LRRC40: variants seen among roughly 807,000 people sequenced by gnomAD.
LRRC40 encodes the protein leucine-rich repeat-containing protein 40.
Under a neutral mutation model 72.8 loss-of-function variants are expected in LRRC40, and 76 were observed. That is an observed-to-expected ratio of 1.04 (90% CI 0.87 to 1.26). LRRC40 has a LOEUF of 1.26. Ranked by LOEUF, LRRC40 falls within the 50% of genes most tolerant of loss-of-function variation. The probability of loss-of-function intolerance (pLI) is 0.00; values close to 1 mark genes in which losing one functional copy is unlikely to be tolerated. For missense variants in LRRC40, 684 were observed against 698.9 expected (o/e 0.98, Z 0.24); for synonymous variants, 243 against 254.2 (o/e 0.96, Z 0.42).
At chr1:70,165,770 T>C (rs975533794) in intron 9 of LRRC40, among the ~76,000 whole-genome samples, 9 of 152,158 alleles carry the variant, frequency 5.9e-5, no homozygotes, top group African/African-American at 1.9e-4. Flanking sequence ...CTCTAACTAC[T>C]GTTTAAATAC....
intron 9 of LRRC40, among the ~76,000 whole-genome samples, chr1:70,160,051 T>C (rs1285424624): frequency 6.6e-6 from 1 of 152,196 alleles, no homozygotes. Flanking sequence ...CTCCAGAGAC[T>C]GTTTAACACT....
chr1:70,193,206 C>T (rs1668538768), intron 1 of LRRC40, among the ~76,000 whole-genome samples: 1 of 151,690 alleles, frequency 6.6e-6, no homozygotes, highest in African/African-American at 2.4e-5. Flanking sequence ...ATAAAAAATA[C>T]TTATTTAAAA....
intron 9 of LRRC40, among the ~76,000 whole-genome samples, chr1:70,162,820 C>G (rs1437293467): frequency 6.6e-6 from 1 of 152,102 alleles, no homozygotes; most frequent in Non-Finnish European, 1.5e-5. Flanking sequence ...TGCCCAAAGA[C>G]TATTCCTTAG....
At chr1:70,189,299 A>C in intron 1 of LRRC40, 26 bp from the exon 2 acceptor site, 23 of 177,470 alleles carry the variant, frequency 1.3e-4, no homozygotes, top group Middle Eastern at 3.4e-3. Context: ...CCACACCAGG[A>C]AAAAAAAAAA....
At chr1:70,194,790 G>T (rs1668573400) in intron 1 of LRRC40, among the ~76,000 whole-genome samples, 1 of 152,220 alleles carries the variant, frequency 6.6e-6, no homozygotes, top group Admixed American at 6.5e-5. Context: ...AACAAAACAG[G>T]AGGCTTTATA....
chr1:70,153,579 C>T (rs1490272955), intron 11 of LRRC40, among the ~76,000 whole-genome samples: 4 of 152,066 alleles, frequency 2.6e-5, no homozygotes. Context: ...CCTAGAGAAA[C>T]AATATGTTTC....
In LRRC40 at chr1:70,187,262, T is replaced by C. The variant is rs1250570538; in HGVS notation, c.407+3A>G. The C allele has an allele frequency of 6.8e-7, 1 of 1,480,154 alleles. No individual in the cohort carries two copies. The highest frequency in any genetic ancestry group is 9.4e-7 in the Non-Finnish European group (1 of 1,062,022). 91.7% of individuals were successfully genotyped at this position (1,480,154 alleles called of 1,614,324 possible). A position where few individuals can be genotyped will look rare whatever the true frequency, so the allele number is the denominator to read the frequency against. ...AATATAAGTAAATAAGCTTAATTTT[T>C]ACCTGACATTAAGTTTCTGAAGATT... On this transcript the variant is annotated splice_donor_region_variant and intron_variant, in intron 3 of 14. Transcript: ENST00000370952.
At chr1:70,194,225 C>G (rs181976275) in intron 1 of LRRC40, among the ~76,000 whole-genome samples, 2 of 151,952 alleles carry the variant, frequency 1.3e-5, no homozygotes, top group African/African-American at 4.8e-5. Context: ...AAATTATATG[C>G]AATCAATGAG....
chr1:70,195,666 C>A (rs1668592650), intron 1 of LRRC40, among the ~76,000 whole-genome samples: 1 of 152,158 alleles, frequency 6.6e-6, no homozygotes, highest in Non-Finnish European at 1.5e-5. Flanking sequence ...CAGGGTCTCA[C>A]TTTCTCACCC....
chr1:70,153,771 C>T (rs577992761), intron 11 of LRRC40, among the ~76,000 whole-genome samples: 2 of 152,018 alleles, frequency 1.3e-5, no homozygotes, highest in East Asian at 3.9e-4. Flanking sequence ...CAGTTGAGCT[C>T]AAGAGTTTGA....
chr1:70,161,119 G>C (rs1667749643), intron 9 of LRRC40, among the ~76,000 whole-genome samples: 1 of 150,152 alleles, frequency 6.7e-6, no homozygotes, highest in South Asian at 2.1e-4. Context: ...AGGGAGTCTC[G>C]CTCTGTTGCC....
chr1:70,163,493 A>G (rs1667810935), intron 9 of LRRC40, among the ~76,000 whole-genome samples: 1 of 152,108 alleles, frequency 6.6e-6, no homozygotes, highest in Admixed American at 6.5e-5. Context: ...TAAGCCAGCA[A>G]CAGTGGTTCT....
chr1:70,172,208 A>C (rs1218788421), intron 9 of LRRC40, among the ~76,000 whole-genome samples: 1 of 152,196 alleles, frequency 6.6e-6, no homozygotes, highest in East Asian at 1.9e-4. Context: ...CTTACCAGAC[A>C]CCAAATCTGC....
chr1:70,197,434 G>A (rs1244898692), intron 1 of LRRC40, among the ~76,000 whole-genome samples: 1 of 151,912 alleles, frequency 6.6e-6, no homozygotes, highest in African/African-American at 2.4e-5. Flanking sequence ...CTACAGGCAT[G>A]TGCCACCACA....
At chr1:70,192,400 G>A (rs1300883590) in intron 1 of LRRC40, among the ~76,000 whole-genome samples, 1 of 152,074 alleles carries the variant, frequency 6.6e-6, no homozygotes, top group East Asian at 1.9e-4. Context: ...TTAGACAGCA[G>A]GATGGCGATT....
chr1:70,175,548 C>T (rs1231749261), intron 7 of LRRC40, among the ~76,000 whole-genome samples: 1 of 152,094 alleles, frequency 6.6e-6, no homozygotes, highest in East Asian at 1.9e-4. Flanking sequence ...CTAAATTTTA[C>T]TCTAGTAAGA....
At chr1:70,155,144 T>G (rs565610356) in intron 11 of LRRC40, among the ~76,000 whole-genome samples, 13 of 146,260 alleles carry the variant, frequency 8.9e-5, no homozygotes, top group Admixed American at 7.4e-4. Context: ...CAACAAAAAA[T>G]GTATTTAACA....
chr1:70,146,605 TA>T (rs1317899759), intron 14 of LRRC40, among the ~76,000 whole-genome samples: 2 of 152,212 alleles, frequency 1.3e-5, no homozygotes, highest in African/African-American at 4.8e-5. Flanking sequence ...ACCACCCTTT[TA>T]TCCAGCCTTC....
intron 7 of LRRC40, 79 bp downstream of exon 7, chr1:70,175,731 G>T: frequency 1.8e-6 from 2 of 1,100,344 alleles, no homozygotes; most frequent in Non-Finnish European, 2.5e-6. Flanking sequence ...GAACCTCTTG[G>T]TTTTTTAACA....
Sources: allele counts gnomAD v4.1 joint callset (sites outside exome capture counted in the v4.1 genomes callset), GRCh38; gene constraint gnomAD v4.1.1; transcripts MANE v1.5; gene names NCBI Gene and HGNC (gene_info 2026-07-23, HGNC 2026-07-21).